Variants in FGF13 observed in about 807,000 individuals in gnomAD.
The protein encoded by FGF13 is fibroblast growth factor homologous factor 2.
Under a neutral mutation model 19.5 loss-of-function variants are expected in FGF13, and 2 were observed. The ratio of observed to expected loss-of-function variants is 0.10; its 90% CI spans 0.04 to 0.32. FGF13 has a LOEUF of 0.32. Among genes scored for constraint, FGF13 ranks in the 10% least tolerant of loss-of-function variants. The pLI is 1.00. For missense variants in FGF13, 113 were observed against 192.7 expected (o/e 0.59, Z 2.45); for synonymous variants, 72 against 76.9 (o/e 0.94, Z 0.33).
chrX:139,028,816 T>C (rs760669177), intron 1 of FGF13, among the ~76,000 whole-genome samples: 1 of 110,019 alleles, frequency 9.1e-6, no homozygotes, highest in African/African-American at 3.3e-5. Flanking sequence ...ACACATTGGA[T>C]AGAATCGTTG....
chrX:138,810,287 C>T (rs1418876478), intron 3 of FGF13, among the ~76,000 whole-genome samples: 1 of 111,388 alleles, frequency 9.0e-6, no homozygotes, highest in Admixed American at 9.6e-5. Context: ...AGAAATAATA[C>T]CACACATCTA....
At chrX:138,961,950 T>A (rs1471182950) in intron 1 of FGF13, among the ~76,000 whole-genome samples, 2 of 111,810 alleles carry the variant, frequency 1.8e-5, no homozygotes, top group African/African-American at 3.3e-5. Context: ...ACTTCATGTC[T>A]AAAACACCAA....
intron 1 of FGF13, among the ~76,000 whole-genome samples, chrX:139,090,270 A>T (rs1458319560): frequency 8.9e-6 from 1 of 111,743 alleles, no homozygotes; most frequent in Non-Finnish European, 1.9e-5. Context: ...ACCTGACATC[A>T]CTAGTCACAC....
At chrX:139,181,332 G>A (rs2084235905) in intron 1 of FGF13, among the ~76,000 whole-genome samples, 1 of 112,326 alleles carries the variant, frequency 8.9e-6, no homozygotes, top group Admixed American at 9.4e-5. Flanking sequence ...GAGTTATAGG[G>A]AACAGCTATG....
upstream of FGF13, among the ~76,000 whole-genome samples, chrX:138,740,905 T>C (rs764292238): frequency 1.2e-4 from 14 of 112,669 alleles, no homozygotes; most frequent in South Asian, 1.5e-3. Context: ...AGAAAACCAT[T>C]ATTTTAACTA....
intron 3 of FGF13, among the ~76,000 whole-genome samples, chrX:138,746,918 C>T (rs1957315513): frequency 9.0e-6 from 1 of 111,595 alleles, no homozygotes; most frequent in Non-Finnish European, 1.9e-5. Flanking sequence ...TTAGTATCTC[C>T]CTAGGGCACT....
intron 3 of FGF13, among the ~76,000 whole-genome samples, chrX:138,809,690 G>T (rs2090904769): frequency 9.0e-6 from 1 of 111,548 alleles, no homozygotes; most frequent in Non-Finnish European, 1.9e-5. Context: ...TGTGTATTTA[G>T]AAAACCCCAT....
chrX:139,088,671 G>T (rs1324333826), intron 1 of FGF13, among the ~76,000 whole-genome samples: 1 of 111,675 alleles, frequency 9.0e-6, no homozygotes, highest in Non-Finnish European at 1.9e-5. Flanking sequence ...CCAATTCAGG[G>T]ATAAAATGAG....
intron 3 of FGF13, among the ~76,000 whole-genome samples, chrX:138,763,999 G>A (rs1464751869): frequency 9.0e-6 from 1 of 111,196 alleles, no homozygotes; most frequent in Non-Finnish European, 1.9e-5. Context: ...AGAAAGGTAA[G>A]CACTGGCAGT....
At chrX:138,973,834 T>G (rs6635747) in intron 1 of FGF13, among the ~76,000 whole-genome samples, 1 of 110,591 alleles carries the variant, frequency 9.0e-6, no homozygotes, top group African/African-American at 3.3e-5. Flanking sequence ...GTTTTCTATT[T>G]GCAAAAAATA....
At chrX:139,185,578 G>A (rs886773195) in intron 1 of FGF13, among the ~76,000 whole-genome samples, 76 of 111,419 alleles carry the variant, frequency 6.8e-4, no homozygotes, top group African/African-American at 2.0e-3. Context: ...GGAGTCCACC[G>A]TGCATGTCCA....
intron 3 of FGF13, among the ~76,000 whole-genome samples, chrX:138,801,653 A>G (rs1197201138): frequency 8.9e-6 from 1 of 111,765 alleles, no homozygotes; most frequent in Admixed American, 9.4e-5. Context: ...GGCAGGCAGG[A>G]ACGTTTAAGT....
At chrX:139,175,272 C>T (rs1447860612) in intron 1 of FGF13, among the ~76,000 whole-genome samples, 1 of 112,145 alleles carries the variant, frequency 8.9e-6, no homozygotes, top group Non-Finnish European at 1.9e-5. Context: ...GCTAAATTTG[C>T]TTATCAGCTT....
intron 1 of FGF13, among the ~76,000 whole-genome samples, chrX:139,177,823 A>T (rs1360813054): frequency 1.8e-5 from 2 of 112,157 alleles, no homozygotes; most frequent in Non-Finnish European, 3.8e-5. Context: ...ACGGCCAGCC[A>T]TTTTTGTGCT....
intron 1 of FGF13, among the ~76,000 whole-genome samples, chrX:139,015,486 A>C (rs937352907): frequency 1.8e-5 from 2 of 111,195 alleles, no homozygotes; most frequent in Admixed American, 9.6e-5. Flanking sequence ...TACAAAAAAA[A>C]CCCTAAGAAT....
chrX:138,895,856 A>G (rs1416736770), intron 1 of FGF13, among the ~76,000 whole-genome samples: 2 of 112,076 alleles, frequency 1.8e-5, no homozygotes, highest in Non-Finnish European at 3.8e-5. Context: ...ATGCTACAAC[A>G]TTCATGAACC....
chrX:139,027,553 C>G (rs1412933002), intron 1 of FGF13, among the ~76,000 whole-genome samples: 1 of 112,015 alleles, frequency 8.9e-6, no homozygotes, highest in Non-Finnish European at 1.9e-5. Context: ...CACATGGATT[C>G]AGTTTATTTA....
intron 1 of FGF13, among the ~76,000 whole-genome samples, chrX:139,054,365 C>T (rs1003753923): frequency 1.1e-4 from 12 of 110,111 alleles, no homozygotes; most frequent in Non-Finnish European, 1.9e-4. Flanking sequence ...CCTCGTGATC[C>T]GCCCGCCTCA....
At chrX:139,056,708 C>A (rs966029675) in intron 1 of FGF13, among the ~76,000 whole-genome samples, 1 of 111,739 alleles carries the variant, frequency 8.9e-6, no homozygotes, top group East Asian at 2.8e-4. Context: ...TAATCATGAT[C>A]AGAGTATAAA....
Sources: allele counts gnomAD v4.1 joint callset (sites outside exome capture counted in the v4.1 genomes callset), GRCh38; gene constraint gnomAD v4.1.1; transcripts MANE v1.5; gene names NCBI Gene and HGNC (gene_info 2026-07-23, HGNC 2026-07-21).